Variants in SUPT20H observed in about 807,000 individuals in gnomAD.
SUPT20H encodes the protein transcription factor SPT20 homolog.
SUPT20H carries 82 observed loss-of-function variants against 122.8 expected under a neutral mutation model. The ratio of observed to expected loss-of-function variants is 0.67; its 90% CI spans 0.56 to 0.80. The LOEUF is 0.80. Ranked by LOEUF, SUPT20H falls within the 30% of genes least tolerant of loss-of-function variation. SUPT20H has a pLI of 0.00. For synonymous variants in SUPT20H, 291 were observed against 313.0 expected, an observed-to-expected ratio of 0.93 and a Z score of 0.74; for missense variants, 831 against 921.6, an observed-to-expected ratio of 0.90 and a Z score of 1.27.
At chr13:37,029,618 TTCTTGTAATAAACTGAACTCGCAGA>T in intron 13 of SUPT20H, 122 bp downstream of exon 13, 1 of 589,266 alleles carries the variant, frequency 1.7e-6, no homozygotes, top group Non-Finnish European at 2.9e-6. Context: ...TAGTTGTTTC[TTCTTGTAATAAACTGAACTCGCAGA>T]AACTAATTTA....
chr13:37,021,067 T>C (rs1006465066), intron 21 of SUPT20H, among the ~76,000 whole-genome samples: 2 of 152,226 alleles, frequency 1.3e-5, no homozygotes, highest in Non-Finnish European at 2.9e-5. Context: ...CAAGCTGAGG[T>C]AGTCTGGCTC....
intron 7 of SUPT20H, 37 bp downstream of exon 7, chr13:37,044,041 C>T (rs1478677050): frequency 7.3e-7 from 1 of 1,378,442 alleles, no homozygotes; most frequent in South Asian, 1.2e-5. Context: ...ATACATATAA[C>T]AAATATAAAG....
chr13:37,054,350 A>G (rs990107099), intron 1 of SUPT20H, among the ~76,000 whole-genome samples: 2 of 152,228 alleles, frequency 1.3e-5, no homozygotes, highest in African/African-American at 2.4e-5. Context: ...CCTGATGAAC[A>G]TCGATGCAAA....
intron 7 of SUPT20H, among the ~76,000 whole-genome samples, chr13:37,041,384 GGC>G: frequency 6.6e-6 from 1 of 152,014 alleles, no homozygotes; most frequent in African/African-American, 2.4e-5. Context: ...TGGGTGTGGT[GGC>G]GAGCGCCTGT....
Position 37,043,268 on chromosome 13 carries a change from C to A in SUPT20H, c.396+810G>T, listed in dbSNP as rs574095135. On this transcript the variant is annotated intron_variant, in intron 7 of 25. Coordinates refer to ENST00000350612, the MANE Select transcript of SUPT20H (RefSeq NM_001014286.3). ...TGAAGAGAGAGGTAGGGATGCTAGT[C>A]GACTGGTGCTAGGAGGAAACGAGAG... Among the ~76,000 whole-genome samples the A allele has an allele frequency of 5.3e-5, 8 of 152,256 alleles. No individual in the cohort carries two copies. In the South Asian group the frequency reaches 1.7e-3, roughly 32 times the overall value.
intron 4 of SUPT20H, 40 bp from the exon 5 acceptor site, chr13:37,047,641 A>G: frequency 7.5e-7 from 1 of 1,337,998 alleles, no homozygotes; most frequent in South Asian, 1.5e-5. Flanking sequence ...AAATGTTAAC[A>G]GAGTAATCAT....
Position 37,047,520 on chromosome 13 carries a change from A to C in SUPT20H, c.165+15T>G. ...ACATTTCAAAAGCTACAACATAATA[A>C]AAATGTATACTTACCTTAACTTCAG... On this transcript the variant is annotated intron_variant, in intron 5 of 25. Coordinates refer to ENST00000350612, the MANE Select transcript of SUPT20H (RefSeq NM_001014286.3). 1.4e-6 allele frequency: 2 copies of C among 1,432,442 alleles called. No individual in the cohort carries two copies. Among genetic ancestry groups the C allele is most frequent in the Middle Eastern group, 1.8e-4 (1 of 5,602 alleles). 88.7% of individuals were successfully genotyped at this position (1,432,442 alleles called of 1,614,324 possible).
chr13:37,031,993 G>A, intron 10 of SUPT20H, 98 bp from the exon 11 acceptor site: 1 of 1,119,722 alleles, frequency 8.9e-7, no homozygotes, highest in Non-Finnish European at 1.2e-6. Flanking sequence ...TACAAATCGT[G>A]TTTATAGAAC....
chr13:37,058,196 C>A (rs929871314), intron 1 of SUPT20H, among the ~76,000 whole-genome samples: 2 of 151,938 alleles, frequency 1.3e-5, no homozygotes, highest in African/African-American at 4.8e-5. Context: ...AACTGGGAGG[C>A]AGAGGTTGCA....
intron 9 of SUPT20H, chr13:37,038,006 C>A (rs1210589374): frequency 6.6e-6 from 1 of 150,378 alleles, no homozygotes; most frequent in Non-Finnish European, 1.5e-5. Context: ...CTGCTAGTTA[C>A]AACTAGTGGC....
intron 9 of SUPT20H, chr13:37,038,822 T>C (rs1438173702): frequency 6.6e-6 from 1 of 152,174 alleles, no homozygotes; most frequent in Non-Finnish European, 1.5e-5. Context: ...TTTGAAACAC[T>C]AAGAAGGATA....
chr13:37,054,441 A>C (rs1051233862), intron 1 of SUPT20H, among the ~76,000 whole-genome samples: 26 of 152,322 alleles, frequency 1.7e-4, no homozygotes, highest in East Asian at 5.8e-4. Context: ...GGCTTCATCC[A>C]TGGGATGCAA....
chr13:37,046,737 T>C (rs2066521047), intron 5 of SUPT20H: 2 of 151,716 alleles, frequency 1.3e-5, no homozygotes, highest in South Asian at 2.1e-4. Context: ...ATAATGCACA[T>C]GTCAAAACTT....
In SUPT20H at chr13:37,026,184, A is replaced by G. The variant is rs750722369; in HGVS notation, c.1211+20T>C. On this transcript the variant is annotated intron_variant, in intron 16 of 25. Transcript: ENST00000350612. ...TTTCATATCCATCCTGACCAAAATA[A>G]GAGATGCAAATATTTTTACCTCTCA... 82 of 1,558,980 alleles carry G rather than the reference A, an allele frequency of 5.3e-5. No homozygotes were observed. The highest frequency in any genetic ancestry group is 7.0e-5 in the Non-Finnish European group (81 of 1,159,688).
intron 9 of SUPT20H, among the ~76,000 whole-genome samples, chr13:37,033,925 A>C (rs1397052125): frequency 6.6e-6 from 1 of 152,140 alleles, no homozygotes; most frequent in African/African-American, 2.4e-5. Flanking sequence ...TCTGTGTCAC[A>C]TTTTGGTAAT....
chr13:37,032,750 A>G (rs1251768065), intron 10 of SUPT20H, among the ~76,000 whole-genome samples: 2 of 152,140 alleles, frequency 1.3e-5, no homozygotes, highest in Non-Finnish European at 2.9e-5. Flanking sequence ...CATGTTTCCC[A>G]TGGAGGGTGG....
chr13:37,044,013 G>T, intron 7 of SUPT20H, 65 bp downstream of exon 7: 48 of 946,304 alleles, frequency 5.1e-5, no homozygotes, highest in East Asian at 1.9e-4. Context: ...ACATAAAAAT[G>T]TGACATATAT....
intron 2 of SUPT20H, among the ~76,000 whole-genome samples, chr13:37,049,366 T>C (rs1200933527): frequency 6.6e-6 from 1 of 152,174 alleles, no homozygotes. Flanking sequence ...GGAAAAAACA[T>C]GGTGAAGCTA....
intron 1 of SUPT20H, chr13:37,057,187 C>G (rs559274986): frequency 9.2e-5 from 14 of 151,748 alleles, no homozygotes; most frequent in African/African-American, 3.4e-4. Flanking sequence ...CCCAGCTACT[C>G]GGTAGGCTGA....
Sources: gnomAD v4.1 joint callset for allele counts (sites outside exome capture counted in the v4.1 genomes callset) on GRCh38, gnomAD v4.1.1 for gene constraint, MANE v1.5 for transcripts, NCBI Gene and HGNC (gene_info 2026-07-23, HGNC 2026-07-21) for gene names.